Variants in PSMB5 observed in about 807,000 individuals in gnomAD.
PSMB5 encodes the protein proteasome subunit beta type-5.
PSMB5 carries 2 observed loss-of-function variants against 22.8 expected under a neutral mutation model. The ratio of observed to expected loss-of-function variants is 0.09; its 90% CI spans 0.04 to 0.28. PSMB5 has a LOEUF of 0.28. Among genes scored for constraint, PSMB5 ranks in the 10% least tolerant of loss-of-function variants. PSMB5 has a pLI of 1.00. For synonymous variants in PSMB5, 133 were observed against 135.3 expected, an observed-to-expected ratio of 0.98 and a Z score of 0.12; for missense variants, 269 against 343.8, an observed-to-expected ratio of 0.78 and a Z score of 1.72.
chr14:23,033,693 A>G lies in PSMB5; in HGVS notation c.199-19T>C, dbSNP rs771923630. 2 of 1,590,736 alleles carry G rather than the reference A, an allele frequency of 1.3e-6. No individual in the cohort carries two copies. The highest frequency in any genetic ancestry group is 3.4e-5 in the Admixed American group (2 of 59,112). ...GGCGGAACTGTTAAGATCAGAGGAA[A>G]ACACAAAACAGGCCACATAAGACCA... On this transcript the variant is annotated intron_variant, in intron 1 of 2. Transcript: ENST00000361611.
Position 23,026,519 on chromosome 14 carries a change from G to C in PSMB5, c.506-144C>G, listed in dbSNP as rs758392344. On this transcript the variant is annotated intron_variant, in intron 2 of 2. Coordinates refer to ENST00000361611, the MANE Select transcript of PSMB5 (RefSeq NM_002797.5). ...AGCTAGAGTGCAATGGCGCAATCTCGGCTCACCACAACCTCCGCCTCCTGG... is the reference window on the plus strand; with the variant it reads ...AGCTAGAGTGCAATGGCGCAATCTCCGCTCACCACAACCTCCGCCTCCTGG... The C allele has an allele frequency of 1.4e-4, 159 of 1,164,102 alleles. 1 individual carries two copies. The Middle Eastern group carries it at 1.5e-3, about 11-fold the overall frequency. The allele number at this position is 1,164,102 out of a possible 1,614,324, so 72.1% of individuals were successfully genotyped here.
intron 2 of PSMB5, among the ~76,000 whole-genome samples, chr14:23,031,119 A>T (rs1452363971): frequency 6.6e-6 from 1 of 152,184 alleles, no homozygotes; most frequent in Non-Finnish European, 1.5e-5. Flanking sequence ...TGAATGGGAC[A>T]GGGTCATCAG....
chr14:23,026,115 C>T lies in PSMB5; in HGVS notation c.766G>A (p.Glu256Lys), dbSNP rs1289832940. The T allele has an allele frequency of 6.2e-7, 1 of 1,614,072 alleles. No homozygotes were observed. Among genetic ancestry groups the T allele is most frequent in the African/African-American group, 1.3e-5 (1 of 74,922 alleles). ...CAGGGGGTAGAGCCACTATACTTCT[C>T]ATGTAGATCAGCCACATTGTCACTG... ...VSSDNVADLH[E>K]KYSGSTP Residue 256 changes from glutamate to lysine, a missense_variant, in exon 3 of 3, where the codon GAG becomes AAG. Coordinates refer to ENST00000361611, the MANE Select transcript of PSMB5 (RefSeq NM_002797.5).
intron 2 of PSMB5, among the ~76,000 whole-genome samples, chr14:23,030,420 C>T (rs932512124): frequency 2.0e-5 from 3 of 150,560 alleles, no homozygotes; most frequent in Non-Finnish European, 3.0e-5. Context: ...ATCCGGGAGG[C>T]GGAGCTTGCA....
Position 23,034,509 on chromosome 14 carries a change from C to G in PSMB5, c.198+175G>C, listed in dbSNP as rs1000698209. On this transcript the variant is annotated intron_variant, in intron 1 of 2. Coordinates refer to ENST00000361611, the MANE Select transcript of PSMB5 (RefSeq NM_002797.5). ...CCACCGCCACCCTTTCCAACCAGAG[C>G]AAAGACAGGGGCCTCCTGGGCCAAT... 9 of 737,798 alleles carry G rather than the reference C, an allele frequency of 1.2e-5. No individual in the cohort carries two copies. In the African/African-American group the frequency reaches 1.4e-4, roughly 12 times the overall value. 45.7% of individuals were successfully genotyped at this position (737,798 alleles called of 1,614,324 possible).
chr14:23,031,778 C>T (rs569979330), intron 2 of PSMB5, among the ~76,000 whole-genome samples: 57 of 152,212 alleles, frequency 3.7e-4, no homozygotes, highest in African/African-American at 1.3e-3. Context: ...TGATTATAAC[C>T]AGCAAAGAAA....
At position 23,031,907 on chromosome 14, in the gene PSMB5, G is replaced by A. The variant is rs557831069; in HGVS notation, c.505+1461C>T. 5.9e-5 allele frequency among the ~76,000 whole-genome samples: 9 copies of A among 152,158 alleles called. No individual in the cohort carries two copies. The East Asian group carries it at 1.5e-3, about 26-fold the overall frequency. On this transcript the variant is annotated intron_variant, in intron 2 of 2. Transcript: ENST00000361611. ...AGTTCAAGACCAGCCTGGCCAACAT[G>A]GTGAAACCCTGTCTCTACTAAAAAT...
At chr14:23,027,965 G>A in intron 2 of PSMB5, 1 of 509,096 alleles carries the variant, frequency 2.0e-6, no homozygotes, top group South Asian at 1.9e-5. Flanking sequence ...CCAACATGGA[G>A]AAACCCTGTC....
rs576049285 is a variant in PSMB5 at position 23,026,463 on chromosome 14, T to C, written c.506-88A>G. 95 of 1,514,758 alleles carry C rather than the reference T, an allele frequency of 6.3e-5. No homozygotes were observed. The South Asian group carries it at 1.2e-3, about 18-fold the overall frequency. 93.8% of individuals were successfully genotyped at this position (1,514,758 alleles called of 1,614,324 possible). On this transcript the variant is annotated intron_variant, in intron 2 of 2. Coordinates refer to ENST00000361611, the MANE Select transcript of PSMB5 (RefSeq NM_002797.5). ...ATATGCCAAGGCAGTAGTTCTTTTT[T>C]TTTGAGATGGAGTTTTGCTCTTGTT... is the stretch of plus-strand genomic sequence containing the variant.
intron 2 of PSMB5, among the ~76,000 whole-genome samples, chr14:23,030,880 G>A (rs949769671): frequency 4.6e-5 from 7 of 152,216 alleles, no homozygotes; most frequent in Middle Eastern, 3.4e-3. Flanking sequence ...AACTGAGATC[G>A]CGCCATTGCA....
At chr14:23,026,447 G>A (rs1175954320) in intron 2 of PSMB5, 72 bp from the exon 3 acceptor site, 2 of 1,545,328 alleles carry the variant, frequency 1.3e-6, no homozygotes, top group East Asian at 4.5e-5. Flanking sequence ...CATATGCCAA[G>A]GCAGTAGTTC....
chr14:23,026,204 T>A lies in PSMB5; in HGVS notation c.677A>T (p.Asp226Val), dbSNP rs1256262527. 1 of 1,614,126 alleles carries A rather than the reference T, an allele frequency of 6.2e-7. No individual in the cohort carries two copies. Among genetic ancestry groups the A allele is most frequent in the Non-Finnish European group, 8.5e-7 (1 of 1,180,026 alleles). The part of the protein sequence containing the change: ...RRAIYQATYR[D>V]AYSGGAVNLY... ...GTTGACTGCACCTCCTGAGTAGGCA[T>A]CTCTGTAGGTGGCTTGGTAGATGGC... The change falls in exon 3 of 3, where the codon GAT (aspartate) becomes GTT (valine). Residue 226 changes from aspartate (D) to valine (V), a missense_variant. Asp to Val is a radical substitution (Grantham distance 152). Around this residue, in one of 3 missense-constraint regions of PSMB5, gnomAD observed 113 missense variants for 130.2 expected, o/e 0.87. Coordinates refer to ENST00000361611, the MANE Select transcript of PSMB5 (RefSeq NM_002797.5).
Position 23,026,359 on chromosome 14 carries a change from G to A in PSMB5, c.522C>T (p.Asp174=), listed in dbSNP as rs2139910482. Residue 174 remains aspartate (D), a synonymous_variant, in exon 3 of 3, where the codon GAC becomes GAT. Transcript: ENST00000361611. ...CCCCTGAAATCCGGTTCCCTTCACT[G>A]TCCACGTAGTAGAGGCCTGGAAAGG... is the stretch of plus-strand genomic sequence containing the variant. ...DKRGPGLYYV[D]SEGNRISGAT... 1.2e-6 allele frequency: 2 copies of A among 1,613,758 alleles called. No homozygotes were observed. Among genetic ancestry groups the A allele is most frequent in the Non-Finnish European group, 1.7e-6 (2 of 1,179,964 alleles).
chr14:23,031,664 A>G (rs2046953229), intron 2 of PSMB5, among the ~76,000 whole-genome samples: 1 of 152,266 alleles, frequency 6.6e-6, no homozygotes, highest in Non-Finnish European at 1.5e-5. Context: ...CATTAAATAC[A>G]AAGTTGAACT....
At chr14:23,031,404 T>C (rs1235382679) in intron 2 of PSMB5, among the ~76,000 whole-genome samples, 1 of 152,212 alleles carries the variant, frequency 6.6e-6, no homozygotes, top group Non-Finnish European at 1.5e-5. Flanking sequence ...TCATCCTCCA[T>C]TGGGTAGTAA....
chr14:23,025,917 G>A lies in PSMB5; in HGVS notation c.*172C>T. 6.9e-7 allele frequency: 1 copy of A among 1,452,106 alleles called. No homozygotes were observed. Among genetic ancestry groups the A allele is most frequent in the Non-Finnish European group, 9.0e-7 (1 of 1,107,070 alleles). 90.0% of individuals were successfully genotyped at this position (1,452,106 alleles called of 1,614,324 possible). On this transcript the variant is annotated 3_prime_UTR_variant, in exon 3 of 3. Transcript: ENST00000361611. Reference sequence around the variant, plus strand: ...AGTAAAACAAATAGTCACCTCTGCAGCAGCTCATTAATGACTGGTAACACA... The same window carrying A: ...AGTAAAACAAATAGTCACCTCTGCAACAGCTCATTAATGACTGGTAACACA...
chr14:23,030,300 T>C (rs1278214885), intron 2 of PSMB5, among the ~76,000 whole-genome samples: 1 of 150,836 alleles, frequency 6.6e-6, no homozygotes, highest in Non-Finnish European at 1.5e-5. Context: ...CCATCCTGGC[T>C]AACACAGTGA....
At position 23,031,851 on chromosome 14, in the gene PSMB5, G is replaced by A. The variant is rs372559432; in HGVS notation, c.505+1517C>T. Among the ~76,000 whole-genome samples the A allele has an allele frequency of 1.1e-4, 16 of 152,338 alleles. No homozygotes were observed. The East Asian group carries it at 2.3e-3, about 22-fold the overall frequency. On this transcript the variant is annotated intron_variant, in intron 2 of 2. Coordinates refer to ENST00000361611, the MANE Select transcript of PSMB5 (RefSeq NM_002797.5). ...CTCCTGTAATCTCAACACTTTGGCA[G>A]GCTGAGGTGGGCAGATCACCTGAGG...
chr14:23,034,749 C>T lies in PSMB5; in HGVS notation c.133G>A (p.Gly45Ser). Residue 45 changes from glycine (G) to serine (S), a missense_variant, in exon 1 of 3, where the codon GGC becomes AGC. Physicochemically the swap from Gly to Ser is moderately conservative, Grantham distance 56. Coordinates refer to ENST00000361611, the MANE Select transcript of PSMB5 (RefSeq NM_002797.5). Reference sequence around the variant, plus strand: ...CCTGGCTCTTCTGGGACACCCCAGCCTGGCGCGGCCAGGCTCAGACCATCA... The same window carrying T: ...CCTGGCTCTTCTGGGACACCCCAGCTTGGCGCGGCCAGGCTCAGACCATCA... The part of the protein sequence containing the change: ...LSDGLSLAAP[G>S]WGVPEEPGIE... 1 of 1,614,216 alleles carries T rather than the reference C, an allele frequency of 6.2e-7. No homozygotes were observed. Among genetic ancestry groups the T allele is most frequent in the South Asian group, 1.1e-5 (1 of 91,090 alleles).
Sources: allele counts gnomAD v4.1 joint callset (sites outside exome capture counted in the v4.1 genomes callset), GRCh38; gene constraint gnomAD v4.1.1; regional missense constraint gnomAD v4.1.1; transcripts MANE v1.5; gene names NCBI Gene and HGNC (gene_info 2026-07-23, HGNC 2026-07-21).